The following CTIF variants were observed in gnomAD, a reference collection of about 807,000 sequenced individuals.
CTIF encodes CBP80/20-dependent translation initiation factor.
Under a neutral mutation model 66.0 loss-of-function variants are expected in CTIF, and 21 were observed. That is an observed-to-expected ratio of 0.32 (90% CI 0.23 to 0.46). The LOEUF is 0.46. Ranked by LOEUF, CTIF falls within the 20% of genes least tolerant of loss-of-function variation. The probability of loss-of-function intolerance (pLI) is 1.00; values close to 1 mark genes in which losing one functional copy is unlikely to be tolerated. For missense variants in CTIF, 739 were observed against 812.7 expected (o/e 0.91, Z 1.10); for synonymous variants, 345 against 326.4 (o/e 1.06, Z -0.62).
chr18:48,734,967 ATG>A (rs1242605722), intron 7 of CTIF, among the ~76,000 whole-genome samples: 1 of 152,132 alleles, frequency 6.6e-6, no homozygotes, highest in Non-Finnish European at 1.5e-5. Context: ...ATATATGCAC[ATG>A]TGTGTTTATA....
chr18:48,796,099 G>A (rs531110682), intron 9 of CTIF, among the ~76,000 whole-genome samples: 1 of 152,264 alleles, frequency 6.6e-6, no homozygotes, highest in Admixed American at 6.5e-5. Flanking sequence ...GGGTTAAAGT[G>A]ATTCTCCTGC....
chr18:48,846,884 TAGAC>T (rs1410396651), intron 10 of CTIF, among the ~76,000 whole-genome samples: 3 of 151,932 alleles, frequency 2.0e-5, no homozygotes, highest in African/African-American at 7.3e-5. Context: ...AGTAGGCAAG[TAGAC>T]AGATGGATAA....
chr18:48,747,642 C>G (rs1568184840), intron 7 of CTIF, among the ~76,000 whole-genome samples: 1 of 151,932 alleles, frequency 6.6e-6, no homozygotes, highest in Non-Finnish European at 1.5e-5. Flanking sequence ...GGCTGCGGCT[C>G]ACACTTGTAA....
At chr18:48,758,742 T>G (rs72911686) in intron 8 of CTIF, among the ~76,000 whole-genome samples, 13,871 of 152,200 alleles carry the variant, frequency 0.091, 776 homozygotes, top group African/African-American at 0.15. Flanking sequence ...GGGAGCATAT[T>G]CTAGGGTTAG....
intron 5 of CTIF, among the ~76,000 whole-genome samples, chr18:48,666,937 T>C (rs2091446634): frequency 6.6e-6 from 1 of 152,164 alleles, no homozygotes; most frequent in South Asian, 2.1e-4. Flanking sequence ...AGGTGATGCT[T>C]GCCCAGTGTC....
At chr18:48,772,434 C>T (rs544336101) in intron 9 of CTIF, among the ~76,000 whole-genome samples, 126 of 142,046 alleles carry the variant, frequency 8.9e-4, no homozygotes, top group African/African-American at 3.1e-3. Flanking sequence ...CCCCACCAAA[C>T]CCTCTCATCA....
intron 10 of CTIF, among the ~76,000 whole-genome samples, chr18:48,823,586 T>C (rs2146379756): frequency 6.6e-6 from 1 of 152,350 alleles, no homozygotes; most frequent in African/African-American, 2.4e-5. Context: ...ATTTTGAAAT[T>C]AGGAAGTGTG....
At chr18:48,648,300 T>A (rs1160714768) in intron 3 of CTIF, among the ~76,000 whole-genome samples, 3 of 152,088 alleles carry the variant, frequency 2.0e-5, no homozygotes, top group Admixed American at 6.5e-5. Flanking sequence ...CAGACACAGA[T>A]GTCCCAGCAT....
chr18:48,592,497 C>CAA lies in CTIF; in HGVS notation c.-28-27026_-28-27025dup, dbSNP rs34825594. The stretch of plus-strand genomic sequence containing the variant: ...GGGGAACAAGAGTGAAACCCTGTCT[C>CAA]AAAAAAAAAAAAAAAAGAAAAAGAA... On this transcript the variant is annotated intron_variant, in intron 1 of 11. Transcript: ENST00000256413. Among the ~76,000 whole-genome samples the CAA allele has an allele frequency of 3.9e-3, 453 of 117,630 alleles. 3 individuals carry two copies. Among genetic ancestry groups the CAA allele is most frequent in the African/African-American group, 0.012 (382 of 31,314 alleles). The allele number at this position is 117,630 out of a possible 152,430, so 77.2% of individuals were successfully genotyped here.
intron 7 of CTIF, among the ~76,000 whole-genome samples, chr18:48,734,936 G>A (rs1229352430): frequency 1.3e-5 from 2 of 152,144 alleles, no homozygotes; most frequent in Non-Finnish European, 2.9e-5. Flanking sequence ...GTGTACTCCT[G>A]TGTACATATA....
At chr18:48,772,804 A>G (rs956128854) in intron 9 of CTIF, among the ~76,000 whole-genome samples, 4 of 152,236 alleles carry the variant, frequency 2.6e-5, no homozygotes, top group Admixed American at 1.3e-4. Flanking sequence ...ATGCATGCAC[A>G]AATATCTGTT....
At position 48,761,465 on chromosome 18, in the gene CTIF, C is replaced by A. The variant is rs773375297; in HGVS notation, c.1147C>A (p.Arg383=). ...GCTGATCGAGATCCTGAACAGCATG[C>A]GGAACAACAGCAGCGACGTGGACAC... ...DKLIEILNSM[R]NNSSDVDTKL... is the part of the protein sequence containing the mutation. Residue 383 remains arginine (R), a synonymous_variant, in exon 9 of 12, where the codon CGG becomes AGG. Coordinates refer to ENST00000256413, the MANE Select transcript of CTIF (RefSeq NM_014772.3). The surrounding 1 kb of genome is among the most constrained non-coding windows in gnomAD (Gnocchi z 4.2). 5.0e-6 allele frequency: 8 copies of A among 1,614,004 alleles called. No individual in the cohort carries two copies. Among genetic ancestry groups the A allele is most frequent in the African/African-American group, 1.3e-5 (1 of 74,908 alleles).
intron 1 of CTIF, among the ~76,000 whole-genome samples, chr18:48,615,867 C>T (rs886476081): frequency 1.3e-5 from 2 of 152,232 alleles, no homozygotes; most frequent in Non-Finnish European, 1.5e-5. Flanking sequence ...GCCGAGAGGA[C>T]GTGAGGACAC....
At chr18:48,742,273 G>T (rs1055755154) in intron 7 of CTIF, among the ~76,000 whole-genome samples, 3 of 152,230 alleles carry the variant, frequency 2.0e-5, no homozygotes, top group Non-Finnish European at 2.9e-5. Context: ...TCCTGCAGGG[G>T]AATGGCGTGG....
At chr18:48,654,890 C>T (rs1008375145) in intron 3 of CTIF, among the ~76,000 whole-genome samples, 3 of 151,978 alleles carry the variant, frequency 2.0e-5, no homozygotes, top group Admixed American at 2.0e-4. Context: ...AACCAAACAC[C>T]ACACGTTCTC....
At chr18:48,580,785 C>T (rs572934196) in intron 1 of CTIF, among the ~76,000 whole-genome samples, 13 of 152,310 alleles carry the variant, frequency 8.5e-5, no homozygotes, top group African/African-American at 2.4e-4. Context: ...TTGGCTCCCC[C>T]GCCCTGCAGC....
chr18:48,819,754 C>T (rs116872155), intron 10 of CTIF, among the ~76,000 whole-genome samples: 1,926 of 152,332 alleles, frequency 0.013, 21 homozygotes, highest in South Asian at 0.022. Flanking sequence ...AAGAAGAGGG[C>T]AGAGCCCCAT....
intron 6 of CTIF, among the ~76,000 whole-genome samples, chr18:48,711,195 T>G (rs1598909328): frequency 6.6e-6 from 1 of 152,174 alleles, no homozygotes; most frequent in Non-Finnish European, 1.5e-5. Context: ...AAGGGTAACA[T>G]TCCCATTGTG....
chr18:48,570,306 C>T (rs573926631), intron 1 of CTIF, among the ~76,000 whole-genome samples: 74 of 152,242 alleles, frequency 4.9e-4, no homozygotes, highest in Non-Finnish European at 9.0e-4. Context: ...CATCTGGGAC[C>T]GAGGAAATGG....
Sources: allele counts gnomAD v4.1 joint callset (sites outside exome capture counted in the v4.1 genomes callset), GRCh38; gene constraint gnomAD v4.1.1; non-coding constraint Gnocchi (gnomAD v3.1); transcripts MANE v1.5; gene names NCBI Gene and HGNC (gene_info 2026-07-23, HGNC 2026-07-21).